TBXT: variants seen among roughly 807,000 people sequenced by gnomAD.
TBXT encodes the protein T-box transcription factor T.
A neutral mutation model predicts 41.1 loss-of-function variants in TBXT; 19 were observed. The observed-to-expected ratio is 0.46, with a 90% confidence interval of 0.32 to 0.68. The LOEUF (loss-of-function observed/expected upper bound fraction) is 0.68, where lower values mean the gene tolerates loss of function less well. TBXT is among the 30% of genes least tolerant of loss of function. TBXT has a pLI of 0.03. For synonymous variants in TBXT, 213 were observed against 238.9 expected, an observed-to-expected ratio of 0.89 and a Z score of 1.00; for missense variants, 536 against 582.0, an observed-to-expected ratio of 0.92 and a Z score of 0.81.
chr6:166,158,310 C>G lies in TBXT; in HGVS notation c.*5G>C. ...TGCATCTTTCGGGACCTGGGCCTTG[C>G]TGCTTCACATGGAAGGTGGCGACAC... On this transcript the variant is annotated 3_prime_UTR_variant, in exon 8 of 8. Coordinates refer to ENST00000366876, the MANE Select transcript of TBXT (RefSeq NM_001366285.2). The G allele has an allele frequency of 6.2e-7, 1 of 1,614,244 alleles. No individual in the cohort carries two copies. The highest frequency in any genetic ancestry group is 1.1e-5 in the South Asian group (1 of 91,084).
Position 166,160,949 on chromosome 6 carries a change from G to A in TBXT, c.925C>T (p.Pro309Ser). ...NNSPTYSDNSPACLSMLQSHD... is the reference protein window; with the variant it reads ...NNSPTYSDNSSACLSMLQSHD... ...GATTGCAGCATGGATAAACATGCAG[G>A]TGAGTTGTCAGAATAGGCTAAGGGG... Residue 309 changes from proline (P) to serine (S), a missense_variant, in exon 7 of 8, where the codon CCT (proline) becomes TCT (serine). By Grantham distance (74) the Pro-to-Ser change is moderately conservative. Transcript: ENST00000366876. The A allele has an allele frequency of 1.2e-6, 2 of 1,614,082 alleles. No homozygotes were observed. The highest frequency in any genetic ancestry group is 1.7e-6 in the Non-Finnish European group (2 of 1,180,012).
chr6:166,164,625 T>C lies in TBXT; in HGVS notation c.710A>G (p.Gln237Arg). The change falls in exon 5 of 8, where the codon CAG becomes CGG. Residue 237 changes from glutamine to arginine, a missense_variant. Physicochemically the swap from Gln to Arg is conservative, Grantham distance 43. Transcript: ENST00000366876. ...CGTACATTGGGAGTACCCAGGTTGCTGGCTGTCTCCGGGTTCCTCCATCAT... is the reference window on the plus strand; with the variant it reads ...CGTACATTGGGAGTACCCAGGTTGCCGGCTGTCTCCGGGTTCCTCCATCAT... The part of the protein sequence containing the change: ...KEMMEEPGDS[Q>R]QPGYSQSGGW... The C allele has an allele frequency of 1.9e-6, 3 of 1,614,150 alleles. No individual in the cohort carries two copies. Among genetic ancestry groups the C allele is most frequent in the Non-Finnish European group, 2.5e-6 (3 of 1,180,036 alleles).
chr6:166,158,374 C>T lies in TBXT; in HGVS notation c.1252G>A (p.Ala418Thr), dbSNP rs755234783. Residue 418 changes from alanine to threonine, a missense_variant, in exon 8 of 8, where the codon GCC (alanine) becomes ACC (threonine). Ala to Thr is a moderately conservative substitution (Grantham distance 58, BLOSUM62 0). Transcript: ENST00000366876. ...ATDIVDSQYDAAAQGRLIASW... is the reference protein window; with the variant it reads ...ATDIVDSQYDTAAQGRLIASW... ...GCTATGAGGCGGCCTTGGGCTGCGG[C>T]GTCGTACTGGCTGTCCACGATGTCT... The T allele has an allele frequency of 1.2e-6, 2 of 1,614,186 alleles. No homozygotes were observed. Among genetic ancestry groups the T allele is most frequent in the Non-Finnish European group, 1.7e-6 (2 of 1,180,036 alleles).
chr6:166,168,041 A>C (rs368291686), upstream of TBXT, among the ~76,000 whole-genome samples: 10 of 152,012 alleles, frequency 6.6e-5, no homozygotes, highest in East Asian at 1.2e-3. Flanking sequence ...CGCCTGTTTC[A>C]TGTAAATCCG....
Position 166,162,600 on chromosome 6 carries a change from T to C in TBXT, c.754A>G (p.Thr252Ala). The change falls in exon 6 of 8, where the codon ACC becomes GCC. Residue 252 changes from threonine to alanine, a missense_variant. Coordinates refer to ENST00000366876, the MANE Select transcript of TBXT (RefSeq NM_001366285.2). Reference sequence around the variant, plus strand: ...TTTGCAGGTGGACACAGGGTGCTGGTTCCAGGAAGAAGCCACCCCCCTGCT... The same window carrying C: ...TTTGCAGGTGGACACAGGGTGCTGGCTCCAGGAAGAAGCCACCCCCCTGCT... Reference protein sequence around the residue: ...SQSGGWLLPGTSTLCPPANPH... With the variant: ...SQSGGWLLPGASTLCPPANPH... 1 of 1,613,656 alleles carries C rather than the reference T, an allele frequency of 6.2e-7. No individual in the cohort carries two copies. The highest frequency in any genetic ancestry group is 1.1e-5 in the South Asian group (1 of 90,982).
At chr6:166,168,563 G>C (rs567948887), upstream of TBXT, 648 of 152,440 alleles carry the variant, frequency 4.3e-3, 5 homozygotes, top group African/African-American at 0.014. Flanking sequence ...CCCGGCGTCG[G>C]GTGTCCCCGC....
At chr6:166,164,045 G>A (rs1421759956) in intron 5 of TBXT, among the ~76,000 whole-genome samples, 1 of 152,206 alleles carries the variant, frequency 6.6e-6, no homozygotes, top group Non-Finnish European at 1.5e-5. Context: ...GGACGGACCA[G>A]GATGAGAGAG....
chr6:166,160,778 C>T (rs9459594), intron 7 of TBXT, 59 bp downstream of exon 7: 180 of 1,609,078 alleles, frequency 1.1e-4, no homozygotes, highest in Admixed American at 8.7e-4. Context: ...ATGGAAACAG[C>T]GTGAAGTCAC....
In TBXT at chr6:166,166,679, G is replaced by A. The variant is rs751255909; in HGVS notation, c.384C>T (p.Asp128=). The change falls in exon 2 of 8, where the codon GAC becomes GAT. Residue 128 remains aspartate (D), a synonymous_variant. Coordinates refer to ENST00000366876, the MANE Select transcript of TBXT (RefSeq NM_001366285.2). ...TCCAGTGGGCCCCGAAGTTGGGCGA[G>A]TCGGGGTGGATGTAGACGCAGCTGG... ...QAPSCVYIHP[D]SPNFGAHWMK... is the part of the protein sequence containing the mutation. The A allele has an allele frequency of 3.1e-6, 5 of 1,614,078 alleles. No homozygotes were observed. The highest frequency in any genetic ancestry group is 1.1e-5 in the South Asian group (1 of 91,090).
rs376997318 is a variant in TBXT, at chr6:166,166,574, C to A, written c.471+18G>T. The A allele has an allele frequency of 2.0e-5, 33 of 1,613,458 alleles. No homozygotes were observed. The African/African-American group carries it at 4.1e-4, about 20-fold the overall frequency. On this transcript the variant is annotated intron_variant, in intron 2 of 7. Coordinates refer to ENST00000366876, the MANE Select transcript of TBXT (RefSeq NM_001366285.2). The stretch of plus-strand genomic sequence containing the variant: ...CCCTCCTCGCTGGTCCCAGACCTGG[C>A]GGGCTCCTCACACCTACCTGGCCCC...
chr6:166,163,737 C>T lies in TBXT; in HGVS notation c.730+868G>A, dbSNP rs112983968. Among the ~76,000 whole-genome samples, 904 of 152,312 alleles carry T rather than the reference C, an allele frequency of 5.9e-3. 8 individuals carry two copies. The highest frequency in any genetic ancestry group is 0.019 in the African/African-American group (807 of 41,566). On this transcript the variant is annotated intron_variant, in intron 5 of 7. Transcript: ENST00000366876. Reference sequence around the variant, plus strand: ...TTGATTGAGAAAAAGCAACCCCTAGCGGGACAACTACTGTGGCTTCAATTT... The same window carrying T: ...TTGATTGAGAAAAAGCAACCCCTAGTGGGACAACTACTGTGGCTTCAATTT...
rs563354649 is a variant in TBXT at position 166,160,972 on chromosome 6, G to C, written c.908-6C>G. The C allele has an allele frequency of 4.3e-6, 7 of 1,613,792 alleles. No individual in the cohort carries two copies. The highest frequency in any genetic ancestry group is 4.5e-5 in the East Asian group (2 of 44,884). ...AGGTGAGTTGTCAGAATAGGCTAAG[G>C]GGGGAAGGTAACAAAGTGCAATTAT... On this transcript the variant is annotated splice_region_variant and splice_polypyrimidine_tract_variant and intron_variant, in intron 6 of 7. Transcript: ENST00000366876.
chr6:166,165,615 T>G, intron 3 of TBXT, 91 bp downstream of exon 3: 1 of 1,601,364 alleles, frequency 6.2e-7, no homozygotes, highest in Non-Finnish European at 8.5e-7. Context: ...CAGTGCGGGT[T>G]AGCGCGTCTC....
rs1778987784 is a variant in TBXT at position 166,162,472 on chromosome 6, G to A, written c.882C>T (p.Pro294=). The change falls in exon 6 of 8, where the codon CCC becomes CCT. Residue 294 remains proline (P), a synonymous_variant. Transcript: ENST00000366876. ...RSHRSSPYPS[P]YAHRNNSPTY... is the part of the protein sequence containing the mutation. ...TTGGAGAATTGTTCCGATGAGCATA[G>A]GGGCTGGGGTAGGGTGAGGACCGGT... 1.1e-5 allele frequency: 17 copies of A among 1,614,074 alleles called. No individual in the cohort carries two copies. Among genetic ancestry groups the A allele is most frequent in the Non-Finnish European group, 1.4e-5 (16 of 1,180,046 alleles).
Position 166,167,370 on chromosome 6 carries a change from C to A in TBXT, c.206+16G>T, listed in dbSNP as rs1369576729. The A allele has an allele frequency of 1.2e-5, 19 of 1,611,822 alleles. No individual in the cohort carries two copies. The highest frequency in any genetic ancestry group is 1.6e-5 in the Non-Finnish European group (19 of 1,179,778). On this transcript the variant is annotated intron_variant, in intron 1 of 7. Transcript: ENST00000366876. ...CTGGAGAGCGCGGCGCGCGCGGGCT[C>A]CGGACGCGCACCCACCTGCCGTTCT...
chr6:166,166,808 G>A lies in TBXT; in HGVS notation c.255C>T (p.Asn85=), dbSNP rs1403111221. ...AGTCCAGCAGGAAGGAGTACATGGC[G>A]TTGGGGTCCAGGCCAGACACGTTCA... ...LKVNVSGLDP[N]AMYSFLLDFV... The change falls in exon 2 of 8, where the codon AAC becomes AAT. Residue 85 remains asparagine (N), a synonymous_variant. Coordinates refer to ENST00000366876, the MANE Select transcript of TBXT (RefSeq NM_001366285.2). The A allele has an allele frequency of 6.2e-7, 1 of 1,613,898 alleles. No homozygotes were observed. The highest frequency in any genetic ancestry group is 8.5e-7 in the Non-Finnish European group (1 of 1,180,050).
Position 166,165,336 on chromosome 6 carries a change from G to GCC in TBXT, c.606+368_606+369dup, listed in dbSNP as rs142284993. Among the ~76,000 whole-genome samples, 156 of 151,838 alleles carry GCC rather than the reference G, an allele frequency of 1.0e-3. 2 individuals carry two copies. The highest frequency in any genetic ancestry group is 2.5e-3 in the African/African-American group (102 of 41,408). ...TCACACTGCAGAGATTTGAGGGGTT[G>GCC]CCCCCCCACCCTTTGGGGAAGATTT... On this transcript the variant is annotated intron_variant, in intron 3 of 7. Transcript: ENST00000366876.
chr6:166,166,049 A>C (rs1779100364), intron 2 of TBXT, among the ~76,000 whole-genome samples: 1 of 152,352 alleles, frequency 6.6e-6, no homozygotes. Context: ...GAGATGCTAC[A>C]CACCATTAAA....
At chr6:166,160,242 G>T (rs895779509) in intron 7 of TBXT, among the ~76,000 whole-genome samples, 2 of 152,090 alleles carry the variant, frequency 1.3e-5, no homozygotes, top group Admixed American at 1.3e-4. Flanking sequence ...TTTTCCCTCT[G>T]CATAACTTGC....
Sources: gnomAD v4.1 joint callset for allele counts (sites outside exome capture counted in the v4.1 genomes callset) on GRCh38, gnomAD v4.1.1 for gene constraint, MANE v1.5 for transcripts, NCBI Gene and HGNC (gene_info 2026-07-23, HGNC 2026-07-21) for gene names.